DPP6: variants seen among roughly 807,000 people sequenced by gnomAD.
DPP6 encodes the protein A-type potassium channel modulatory protein DPP6.
Under a neutral mutation model 122.6 loss-of-function variants are expected in DPP6, and 69 were observed. The ratio of observed to expected loss-of-function variants is 0.56; its 90% CI spans 0.46 to 0.69. DPP6 has a LOEUF of 0.69. Ranked by LOEUF, DPP6 falls within the 30% of genes least tolerant of loss-of-function variation. DPP6 has a pLI of 0.00. For missense variants in DPP6, 928 were observed against 1,116.9 expected (o/e 0.83, Z 2.41); for synonymous variants, 418 against 433.1 (o/e 0.97, Z 0.43).
At chr7:154,638,820 T>C (rs1047229621) in intron 6 of DPP6, among the ~76,000 whole-genome samples, 3 of 152,202 alleles carry the variant, frequency 2.0e-5, no homozygotes, top group African/African-American at 7.2e-5. Context: ...TCTTCCCTCC[T>C]CCTTCCCTCC....
chr7:154,611,957 G>C (rs1034156228), intron 5 of DPP6, among the ~76,000 whole-genome samples: 18 of 152,142 alleles, frequency 1.2e-4, no homozygotes, highest in African/African-American at 4.3e-4. Context: ...TGGTTTGAAT[G>C]TGTTCTTACA....
rs76136717 is a variant in DPP6 at position 154,678,596 on chromosome 7, C to T, written c.762+9155C>T. 4.6e-4 allele frequency among the ~76,000 whole-genome samples: 70 copies of T among 151,972 alleles called. No homozygotes were observed. The South Asian group carries it at 8.1e-3, about 18-fold the overall frequency. ...CATCTTCAATAACCCTAACACTCAC[C>T]GCGAGGGTCTGCGGCTTCATTCCTG... is the stretch of plus-strand genomic sequence containing the variant. On this transcript the variant is annotated intron_variant, in intron 7 of 25. Transcript: ENST00000377770.
intron 1 of DPP6, among the ~76,000 whole-genome samples, chr7:154,428,415 A>G (rs1818084209): frequency 6.6e-6 from 1 of 152,198 alleles, no homozygotes. Context: ...AACATTTAAG[A>G]GTAAATGTGG....
rs187532278 is a variant in DPP6 at position 153,980,269 on chromosome 7, C to A, written c.51+92535C>A. On this transcript the variant is annotated intron_variant, in intron 1 of 25. Transcript: ENST00000404039. ...GGATTTGACTTCTTCGTGGTTTAGT[C>A]TTGGGAGGGTGTATGTGTCCAGGAA... Among the ~76,000 whole-genome samples, 596 of 152,184 alleles carry A rather than the reference C, an allele frequency of 3.9e-3. 3 individuals are homozygous for A. Among genetic ancestry groups the A allele is most frequent in the African/African-American group, 0.014 (561 of 41,530 alleles).
intron 1 of DPP6, chr7:153,887,761 T>G (rs759911333): frequency 6.2e-7 from 1 of 1,609,742 alleles, no homozygotes; most frequent in Non-Finnish European, 8.5e-7. Context: ...GGGCGCGCGC[T>G]GGGTCGGGGG....
chr7:154,412,303 G>GCAAAGT (rs1816671000), intron 1 of DPP6, among the ~76,000 whole-genome samples: 1 of 152,180 alleles, frequency 6.6e-6, no homozygotes, highest in South Asian at 2.1e-4. Context: ...CCAGGTGCCA[G>GCAAAGT]CAAAGTCAAA....
At chr7:154,073,838 T>C (rs1803305527) in intron 1 of DPP6, among the ~76,000 whole-genome samples, 1 of 152,120 alleles carries the variant, frequency 6.6e-6, no homozygotes, top group Admixed American at 6.5e-5. Flanking sequence ...TACAAAAAAT[T>C]AGCTGGGTCT....
Position 154,660,258 on chromosome 7 carries a change from T to C in DPP6, c.681-9102T>C, listed in dbSNP as rs1837544000. ...TTCATATAGTCATGGTGAATCACGA[T>C]GGCGTATTGGCCGTAGTGTTCACGC... is the stretch of plus-strand genomic sequence containing the variant. On this transcript the variant is annotated intron_variant, in intron 6 of 25. Coordinates refer to ENST00000377770, the MANE Select transcript of DPP6 (RefSeq NM_130797.4). Among the ~76,000 whole-genome samples the C allele has an allele frequency of 8.3e-5, 4 of 48,276 alleles. 1 individual carries two copies. Among genetic ancestry groups the C allele is most frequent in the African/African-American group, 1.5e-4 (4 of 26,078 alleles). 31.7% of individuals were successfully genotyped at this position (48,276 alleles called of 152,430 possible).
intron 1 of DPP6, among the ~76,000 whole-genome samples, chr7:154,217,535 C>A (rs1008900034): frequency 6.6e-6 from 1 of 152,130 alleles, no homozygotes; most frequent in Non-Finnish European, 1.5e-5. Context: ...GGGTGGACCT[C>A]TTCTTACAAA....
the DPP6 span, among the ~76,000 whole-genome samples, chr7:153,800,116 G>T: frequency 1.1e-4 from 17 of 152,278 alleles, no homozygotes; most frequent in Admixed American, 1.0e-3. Flanking sequence ...AGAGATATCT[G>T]CACACCCATT....
At chr7:153,900,219 T>A (rs1297275950) in intron 1 of DPP6, among the ~76,000 whole-genome samples, 1 of 144,844 alleles carries the variant, frequency 6.9e-6, no homozygotes, top group East Asian at 2.1e-4. Context: ...CGTGGCTCAG[T>A]ACTTTCTCCC....
At chr7:154,029,672 C>T (rs907155804) in intron 1 of DPP6, among the ~76,000 whole-genome samples, 2 of 148,068 alleles carry the variant, frequency 1.4e-5, no homozygotes, top group African/African-American at 2.5e-5. Flanking sequence ...TGGTGAAACC[C>T]TGTCTTTACT....
intron 1 of DPP6, among the ~76,000 whole-genome samples, chr7:154,079,178 G>A (rs1048959243): frequency 3.3e-5 from 5 of 152,172 alleles, no homozygotes; most frequent in African/African-American, 9.7e-5. Context: ...CTGGGGGACA[G>A]AGCTAGACTC....
chr7:154,773,546 T>C (rs1249160524), intron 10 of DPP6, among the ~76,000 whole-genome samples: 1 of 152,152 alleles, frequency 6.6e-6, no homozygotes. Context: ...TGGGGAATGA[T>C]TATACTTCCA....
chr7:153,912,127 C>A (rs2129003500), intron 1 of DPP6, among the ~76,000 whole-genome samples: 1 of 152,300 alleles, frequency 6.6e-6, no homozygotes, highest in African/African-American at 2.4e-5. Context: ...AATATGTACA[C>A]TAAGTAGAAT....
At chr7:154,871,472 C>A (rs574134257) in intron 18 of DPP6, among the ~76,000 whole-genome samples, 1 of 152,264 alleles carries the variant, frequency 6.6e-6, no homozygotes, top group Non-Finnish European at 1.5e-5. Context: ...TAATGCTTTT[C>A]TTTATTTTAT....
At chr7:154,113,017 T>G (rs569247042) in intron 1 of DPP6, among the ~76,000 whole-genome samples, 2 of 152,322 alleles carry the variant, frequency 1.3e-5, no homozygotes, top group Non-Finnish European at 2.9e-5. Context: ...CATAACATCC[T>G]GTAGGTTCAG....
intron 3 of DPP6, among the ~76,000 whole-genome samples, chr7:154,482,429 A>G (rs1823389393): frequency 6.6e-6 from 1 of 152,228 alleles, no homozygotes; most frequent in Non-Finnish European, 1.5e-5. Flanking sequence ...TGTATTATAT[A>G]TACTACACAT....
chr7:153,966,297 G>A (rs534695902), intron 1 of DPP6, among the ~76,000 whole-genome samples: 1 of 151,532 alleles, frequency 6.6e-6, no homozygotes, highest in East Asian at 1.9e-4. Flanking sequence ...TCATGTTTGT[G>A]CATGTGTTCA....
Sources: gnomAD v4.1 joint callset for allele counts (sites outside exome capture counted in the v4.1 genomes callset) on GRCh38, gnomAD v4.1.1 for gene constraint, MANE v1.5 for transcripts, NCBI Gene and HGNC (gene_info 2026-07-23, HGNC 2026-07-21) for gene names.